TLL1: variants seen among roughly 807,000 people sequenced by gnomAD.
TLL1 encodes tolloid-like protein 1.
A neutral mutation model predicts 128.2 loss-of-function variants in TLL1; 49 were observed. The observed-to-expected ratio is 0.38, with a 90% CI of 0.30 to 0.48. TLL1 has a LOEUF of 0.48. Among genes scored for constraint, TLL1 ranks in the 20% least tolerant of loss-of-function variants. The pLI is 0.96. For missense variants in TLL1, 1,123 were observed against 1,242.0 expected (o/e 0.90, Z 1.44); for synonymous variants, 454 against 418.8 (o/e 1.08, Z -1.03).
At position 165,939,527 on chromosome 4, in the gene TLL1, A is replaced by C. The variant is rs775279281; in HGVS notation, c.170-49854A>C. 2.4e-4 allele frequency among the ~76,000 whole-genome samples: 37 copies of C among 152,014 alleles called. 1 individual carries two copies. The highest frequency in any genetic ancestry group is 8.8e-5 in the Non-Finnish European group (6 of 67,946). On this transcript the variant is annotated intron_variant, in intron 1 of 20. Coordinates refer to ENST00000061240, the MANE Select transcript of TLL1 (RefSeq NM_012464.5). Reference sequence around the variant, plus strand: ...AGACATTTTTTTCAACAGATTTTCAAATGACCCACTGTTTTTCACAGCGAG... The same window carrying C: ...AGACATTTTTTTCAACAGATTTTCACATGACCCACTGTTTTTCACAGCGAG...
intron 8 of TLL1, among the ~76,000 whole-genome samples, chr4:166,020,415 T>A (rs1738166158): frequency 6.6e-6 from 1 of 152,202 alleles, no homozygotes. Context: ...CACTTCATCT[T>A]CCCATTAACC....
intron 11 of TLL1, among the ~76,000 whole-genome samples, chr4:166,042,350 T>A (rs967789936): frequency 2.0e-5 from 3 of 152,214 alleles, no homozygotes; most frequent in Admixed American, 1.3e-4. Flanking sequence ...TGTAATAATA[T>A]CTAAATGTGT....
intron 7 of TLL1, among the ~76,000 whole-genome samples, 178 bp downstream of exon 7, chr4:166,008,226 T>A (rs1370704561): frequency 2.6e-5 from 4 of 151,560 alleles, no homozygotes; most frequent in South Asian, 4.1e-4. Flanking sequence ...AAAGGCATTT[T>A]AAAAATATAT....
At chr4:165,900,540 T>C (rs187093811) in intron 1 of TLL1, among the ~76,000 whole-genome samples, 3,726 of 152,312 alleles carry the variant, frequency 0.024, 73 homozygotes, top group South Asian at 0.054. Flanking sequence ...AATTCTTTTC[T>C]TTAAGAATGT....
chr4:165,897,788 G>T (rs1419652378), intron 1 of TLL1, among the ~76,000 whole-genome samples: 2 of 151,194 alleles, frequency 1.3e-5, no homozygotes, highest in Non-Finnish European at 2.9e-5. Context: ...AGCTGGATGG[G>T]GATAGCATTG....
intron 9 of TLL1, among the ~76,000 whole-genome samples, chr4:166,028,774 A>T (rs1314293351): frequency 2.6e-5 from 4 of 151,964 alleles, no homozygotes; most frequent in Non-Finnish European, 4.4e-5. Context: ...TTCGTCTATT[A>T]TTAATAAAGC....
chr4:165,999,143 T>C (rs1371008551), intron 5 of TLL1, among the ~76,000 whole-genome samples: 1 of 152,154 alleles, frequency 6.6e-6, no homozygotes. Context: ...TTCTGTCTTC[T>C]GATCCCTCCA....
In TLL1 at chr4:166,099,402, C is replaced by A; in HGVS notation, c.2782C>A (p.Arg928=). 1.2e-6 allele frequency: 2 copies of A among 1,613,500 alleles called. No individual in the cohort carries two copies. Among genetic ancestry groups the A allele is most frequent in the Non-Finnish European group, 1.7e-6 (2 of 1,179,668 alleles). ...GCTATTAGTATCAGAACGGGGCTCT[C>A]GACTTGAATTATCCTTCCAGACATT... is the stretch of plus-strand genomic sequence containing the variant. ...EWLLVSERGS[R]LELSFQTFEV... is the part of the protein sequence containing the mutation. Residue 928 remains arginine, a synonymous_variant, in exon 20 of 21, where the codon CGA becomes AGA. Transcript: ENST00000061240.
chr4:165,995,243 T>TC, intron 5 of TLL1, 65 bp downstream of exon 5: 1 of 1,138,462 alleles, frequency 8.8e-7, no homozygotes, highest in Admixed American at 1.7e-5. Flanking sequence ...CAATTAAATG[T>TC]CCATAGGTAA....
At chr4:165,954,272 C>T (rs1734670757) in intron 1 of TLL1, among the ~76,000 whole-genome samples, 1 of 151,954 alleles carries the variant, frequency 6.6e-6, no homozygotes, top group African/African-American at 2.4e-5. Context: ...CTGAAATACC[C>T]AGAACACATA....
At chr4:165,977,432 G>T (rs111957228) in intron 1 of TLL1, among the ~76,000 whole-genome samples, 1 of 152,098 alleles carries the variant, frequency 6.6e-6, no homozygotes, top group Non-Finnish European at 1.5e-5. Context: ...CTCTCCAATC[G>T]TGTGGATCAG....
intron 7 of TLL1, among the ~76,000 whole-genome samples, chr4:166,011,606 A>G (rs537197268): frequency 2.8e-4 from 43 of 151,310 alleles, no homozygotes; most frequent in Non-Finnish European, 5.6e-4. Flanking sequence ...TTTCTGTCCA[A>G]TTTGGATGGC....
At chr4:165,941,046 A>C (rs1430483362) in intron 1 of TLL1, among the ~76,000 whole-genome samples, 3 of 151,980 alleles carry the variant, frequency 2.0e-5, no homozygotes, top group Non-Finnish European at 4.4e-5. Context: ...ATTTTATATC[A>C]TTTAGATCTG....
At chr4:165,983,683 A>G (rs1427298661) in intron 1 of TLL1, among the ~76,000 whole-genome samples, 1 of 151,826 alleles carries the variant, frequency 6.6e-6, no homozygotes, top group Non-Finnish European at 1.5e-5. Context: ...CTTGAGGAGA[A>G]GTTCTATGCC....
Position 166,075,002 on chromosome 4 carries a change from A to C in TLL1, c.2313A>C (p.Glu771Asp), listed in dbSNP as rs906266131. ...VLHDNKHDCKEAECEQKIHSP... is the reference protein window; with the variant it reads ...VLHDNKHDCKDAECEQKIHSP... ...ATGACAATAAACATGATTGCAAGGA[A>C]GGTATGGAACGGAATACACTTTTTT... The change falls in exon 17 of 21, where the codon GAA becomes GAC. Residue 771 changes from glutamate to aspartate, a missense_variant and splice_region_variant. By Grantham distance (45) the Glu-to-Asp change is conservative. This residue lies in a region of TLL1 where 634 missense variants were observed against 672.4 expected (regional missense o/e 0.94). Coordinates refer to ENST00000061240, the MANE Select transcript of TLL1 (RefSeq NM_012464.5). 1.9e-6 allele frequency: 3 copies of C among 1,613,374 alleles called. No homozygotes were observed. Among genetic ancestry groups the C allele is most frequent in the Non-Finnish European group, 8.5e-7 (1 of 1,179,438 alleles).
At chr4:165,986,016 C>G (rs1166709014) in intron 1 of TLL1, among the ~76,000 whole-genome samples, 1 of 149,352 alleles carries the variant, frequency 6.7e-6, no homozygotes. Context: ...ACCATTTTCC[C>G]ATTTTTTTTT....
intron 5 of TLL1, among the ~76,000 whole-genome samples, chr4:166,000,198 C>T (rs1737081685): frequency 1.3e-5 from 2 of 152,162 alleles, no homozygotes; most frequent in South Asian, 4.1e-4. Flanking sequence ...AGCATCAAAC[C>T]TGGATGACAT....
At chr4:166,062,709 T>C (rs1740380384) in intron 15 of TLL1, among the ~76,000 whole-genome samples, 1 of 152,168 alleles carries the variant, frequency 6.6e-6, no homozygotes, top group Non-Finnish European at 1.5e-5. Context: ...ATACCCTTTA[T>C]TTCTTTCTCC....
At position 165,996,422 on chromosome 4, in the gene TLL1, A is replaced by C. The variant is rs1364411642; in HGVS notation, c.632+1244A>C. ...TCAGGAGTTCGAGACCAGTCTGGCC[A>C]ATATGGTGAAACCCTGTCTCTACTA... On this transcript the variant is annotated intron_variant, in intron 5 of 20. Coordinates refer to ENST00000061240, the MANE Select transcript of TLL1 (RefSeq NM_012464.5). 2.0e-5 allele frequency among the ~76,000 whole-genome samples: 3 copies of C among 152,154 alleles called. No individual in the cohort carries two copies. In the East Asian group the frequency reaches 5.8e-4, roughly 29 times the overall value.
Sources: allele counts gnomAD v4.1 joint callset (sites outside exome capture counted in the v4.1 genomes callset), GRCh38; gene constraint gnomAD v4.1.1; regional missense constraint gnomAD v4.1.1; transcripts MANE v1.5; gene names NCBI Gene and HGNC (gene_info 2026-07-23, HGNC 2026-07-21).